Variants in RGS11 observed in about 807,000 individuals in gnomAD.
The protein encoded by RGS11 is regulator of G protein signaling 11, also known as regulator of G-protein signaling 11.
Under a neutral mutation model 71.1 loss-of-function variants are expected in RGS11, and 86 were observed. The observed-to-expected ratio is 1.21, with a 90% CI of 1.02 to 1.45. The LOEUF (loss-of-function observed/expected upper bound fraction) is 1.45. Among genes scored for constraint, RGS11 ranks in the 40% most tolerant of loss-of-function variants. The pLI, the probability that RGS11 is intolerant of heterozygous loss-of-function variation, is 0.00. For synonymous variants in RGS11, 298 were observed against 254.2 expected (o/e 1.17, Z -1.64); for missense variants, 734 against 635.1 (o/e 1.16, Z -1.67).
intron 9 of RGS11, chr16:272,379 A>G: frequency 7.7e-7 from 1 of 1,291,406 alleles, no homozygotes; most frequent in Non-Finnish European, 1.0e-6. Flanking sequence ...GTGAGGTTCT[A>G]GGTGCATCTT....
At chr16:273,593 A>C (rs1162573057) in intron 7 of RGS11, 37 bp from the exon 8 acceptor site, 2 of 1,539,412 alleles carry the variant, frequency 1.3e-6, no homozygotes, top group Admixed American at 1.9e-5. Context: ...CACGCCCTGC[A>C]CACAGCAGCC....
intron 9 of RGS11, chr16:271,782 G>C (rs2051952558): frequency 3.4e-6 from 2 of 594,228 alleles, no homozygotes. Context: ...GCGATCTGTG[G>C]AATATTCCAC....
In RGS11 at chr16:274,988, G is replaced by C; in HGVS notation, c.306C>G (p.Pro102=). 6.5e-7 allele frequency: 1 copy of C among 1,541,146 alleles called. No homozygotes were observed. The highest frequency in any genetic ancestry group is 1.2e-5 in the South Asian group (1 of 81,906). ...CCCCGAGCCTGACCTGGAACCTGTA[G>C]GGCGTCTCGTCTGGCCGGAGCATGA... ...RSLMLRPDET[P]YRFQTPYFWT... Residue 102 remains proline, a synonymous_variant, in exon 4 of 17, where the codon CCC becomes CCG. Transcript: ENST00000397770.
rs571028141 is a variant in RGS11, at chr16:270,722, G to A, written c.1067+22C>T. On this transcript the variant is annotated intron_variant, in intron 14 of 16. Coordinates refer to ENST00000397770, the MANE Select transcript of RGS11 (RefSeq NM_183337.3). Reference sequence around the variant, plus strand: ...GGTGCACCTGCCCGTTGGCCAACCGGTGCCCACCACGCAGCACTTACTCGT... The same window carrying A: ...GGTGCACCTGCCCGTTGGCCAACCGATGCCCACCACGCAGCACTTACTCGT... The A allele has an allele frequency of 3.9e-5, 63 of 1,611,394 alleles. 2 individuals are homozygous for A. In the South Asian group the frequency reaches 6.9e-4, roughly 18 times the overall value.
In RGS11 at chr16:275,432, G is replaced by C; in HGVS notation, c.130C>G (p.Leu44Val). 7 of 1,601,286 alleles carry C rather than the reference G, an allele frequency of 4.4e-6. No individual in the cohort carries two copies. Among genetic ancestry groups the C allele is most frequent in the Non-Finnish European group, 5.9e-6 (7 of 1,178,914 alleles). Residue 44 changes from leucine to valine, a missense_variant, in exon 2 of 17, where the codon CTG becomes GTG. By Grantham distance (32) the Leu-to-Val change is conservative. Coordinates refer to ENST00000397770, the MANE Select transcript of RGS11 (RefSeq NM_183337.3). Reference protein sequence around the residue: ...QGVKMRSQRLLVTVIPHAVTG... With the variant: ...QGVKMRSQRLVVTVIPHAVTG... ...ACCGCGTGGGGAATGACGGTGACCA[G>C]CAGGCGCTGGCTCCGCATCTTCACG...
At position 271,441 on chromosome 16, in the gene RGS11, G is replaced by T. The variant is rs141912967; in HGVS notation, c.707C>A (p.Ala236Glu). Residue 236 changes from alanine to glutamate, a missense_variant, in exon 11 of 17, where the codon GCG becomes GAG. Transcript: ENST00000397770. ...GGACTTCACTCGGGTCCTGCCCAGC[G>T]CTTTCCTGAAGTACTCGATCTAGGA... ...HKREIEYFRK[A>E]LGRTRVKSSV... 6.2e-7 allele frequency: 1 copy of T among 1,613,772 alleles called. No homozygotes were observed. The highest frequency in any genetic ancestry group is 1.7e-5 in the Admixed American group (1 of 60,002).
chr16:270,779 C>T lies in RGS11; in HGVS notation c.1032G>A (p.Gln344=). The change falls in exon 14 of 17, where the codon CAG becomes CAA. Residue 344 remains glutamine, a synonymous_variant. Transcript: ENST00000397770. ...EACEELRYGA[Q]AQVPTLVDAV... ...CATCCACCAGGGTGGGGACCTGGGC[C>T]TGCGCTCCATATCGAAGCTCCTCAC... is the stretch of plus-strand genomic sequence containing the variant. The T allele has an allele frequency of 6.2e-7, 1 of 1,612,596 alleles. No individual in the cohort carries two copies. The highest frequency in any genetic ancestry group is 8.5e-7 in the Non-Finnish European group (1 of 1,179,928).
At position 271,109 on chromosome 16, in the gene RGS11, G is replaced by T. The variant is rs201555919; in HGVS notation, c.864-10C>A. 3 of 1,609,918 alleles carry T rather than the reference G, an allele frequency of 1.9e-6. No homozygotes were observed. In the African/African-American group the frequency reaches 4.0e-5, roughly 21 times the overall value. ...CGTGGGGGCAGCCACCCTGGGGAGA[G>T]GGCAGGGCTGTTGGGGAGGGTGGGG... is the stretch of plus-strand genomic sequence containing the variant. On this transcript the variant is annotated splice_polypyrimidine_tract_variant and intron_variant, in intron 12 of 16. Coordinates refer to ENST00000397770, the MANE Select transcript of RGS11 (RefSeq NM_183337.3).
chr16:269,142 C>A lies in RGS11; in HGVS notation c.*127G>T. ...TGCACCCCACAGAAGACTGGGCCCCCTGGGCACAAGGGGACACTGGTGCTG... is the reference window on the plus strand; with the variant it reads ...TGCACCCCACAGAAGACTGGGCCCCATGGGCACAAGGGGACACTGGTGCTG... On this transcript the variant is annotated 3_prime_UTR_variant, in exon 17 of 17. Coordinates refer to ENST00000397770, the MANE Select transcript of RGS11 (RefSeq NM_183337.3). The A allele has an allele frequency of 1.1e-6, 1 of 926,082 alleles. No homozygotes were observed. The highest frequency in any genetic ancestry group is 2.0e-5 in the Admixed American group (1 of 49,616). 57.4% of individuals were successfully genotyped at this position (926,082 alleles called of 1,614,324 possible). A position where few individuals can be genotyped will look rare whatever the true frequency, so the allele number is the denominator to read the frequency against.
intron 7 of RGS11, 53 bp downstream of exon 7, chr16:273,707 G>C: frequency 6.3e-7 from 1 of 1,580,688 alleles, no homozygotes; most frequent in Non-Finnish European, 8.7e-7. Context: ...TGGGCTTCCC[G>C]GGTAGCCTGG....
chr16:274,177 T>G, intron 5 of RGS11, 37 bp downstream of exon 5: 3 of 1,598,564 alleles, frequency 1.9e-6, no homozygotes, highest in Non-Finnish European at 1.7e-6. Context: ...CCCCCAGTCC[T>G]GGGAACTTGT....
chr16:274,668 C>T, intron 4 of RGS11: 1 of 664,640 alleles, frequency 1.5e-6, no homozygotes, highest in Non-Finnish European at 2.8e-6. Flanking sequence ...GCCCCTCCCT[C>T]AGGACCTGGG....
At chr16:269,987 C>T (rs564612973) in intron 15 of RGS11, 9 of 185,036 alleles carry the variant, frequency 4.9e-5, no homozygotes, top group African/African-American at 1.4e-4. Flanking sequence ...GAGTGGCTCA[C>T]GCCTGTAATC....
intron 9 of RGS11, chr16:272,595 A>G (rs1414850684): frequency 6.9e-7 from 1 of 1,453,516 alleles, no homozygotes; most frequent in Admixed American, 2.2e-5. Flanking sequence ...TCTGGAGAAG[A>G]GCCCCCTTCC....
At chr16:272,515 C>T in intron 9 of RGS11, 2 of 1,376,712 alleles carry the variant, frequency 1.5e-6, no homozygotes, top group Non-Finnish European at 1.9e-6. Context: ...GTTGCTGGAT[C>T]TGCTGAGGTC....
intron 8 of RGS11, 29 bp from the exon 9 acceptor site, chr16:272,960 G>T: frequency 6.8e-7 from 1 of 1,472,374 alleles, no homozygotes; most frequent in Non-Finnish European, 9.0e-7. Context: ...ATGAGGTGGG[G>T]ATGCAGTTCC....
chr16:275,243 C>G, intron 3 of RGS11, 40 bp downstream of exon 3: 1 of 1,611,394 alleles, frequency 6.2e-7, no homozygotes, highest in Non-Finnish European at 8.5e-7. Flanking sequence ...AGGCCACCAG[C>G]CCAGTGACCC....
Position 271,480 on chromosome 16 carries a change from A to G in RGS11, c.688-20T>C, listed in dbSNP as rs758278783. ...CTCGATCTAGGATGTGGGGCCTGTGAGTCAGGTCCCGGGCTGGGGAAGGCA... is the reference window on the plus strand; with the variant it reads ...CTCGATCTAGGATGTGGGGCCTGTGGGTCAGGTCCCGGGCTGGGGAAGGCA... On this transcript the variant is annotated intron_variant, in intron 10 of 16. Coordinates refer to ENST00000397770, the MANE Select transcript of RGS11 (RefSeq NM_183337.3). 1 of 1,613,922 alleles carries G rather than the reference A, an allele frequency of 6.2e-7. No individual in the cohort carries two copies. The highest frequency in any genetic ancestry group is 1.3e-5 in the African/African-American group (1 of 75,046).
At chr16:272,679 C>A in intron 9 of RGS11, 184 bp downstream of exon 9, 1 of 1,464,038 alleles carries the variant, frequency 6.8e-7, no homozygotes, top group Non-Finnish European at 9.0e-7. Context: ...GGAGAGAAAG[C>A]GAGAGTTAGC....
Sources: allele counts gnomAD v4.1 joint callset, GRCh38; gene constraint gnomAD v4.1.1; transcripts MANE v1.5; gene names NCBI Gene and HGNC (gene_info 2026-07-23, HGNC 2026-07-21).